Variants in ASPM observed in about 807,000 individuals in gnomAD.
The protein encoded by ASPM is assembly factor for spindle microtubules.
ASPM carries 256 observed loss-of-function variants against 366.4 expected under a neutral mutation model. The observed-to-expected ratio is 0.70, with a 90% CI of 0.63 to 0.77. The LOEUF is 0.77. Among genes scored for constraint, ASPM ranks in the 30% least tolerant of loss-of-function variants. The pLI, the probability that ASPM is intolerant of heterozygous loss-of-function variation, is 0.00. For synonymous variants in ASPM, 1,414 were observed against 1,342.9 expected (o/e 1.05, Z -1.16); for missense variants, 4,146 against 4,090.4 (o/e 1.01, Z -0.37).
Position 197,121,983 on chromosome 1 carries a change from T to C in ASPM, c.3802A>G (p.Arg1268Gly), listed in dbSNP as rs137923618. ...GTTGTTTGTATGAGTCGAGCAGCTC[T>C]TATTTCTTTACGAAGATCCAAAAGC... ...ARLLDLRKEI[R>G]AARLIQTTWR... The change falls in exon 16 of 28, where the codon AGA (arginine) becomes GGA (glycine). Residue 1268 changes from arginine (R) to glycine (G), a missense_variant. By Grantham distance (125) the Arg-to-Gly change is moderately radical (BLOSUM62 -2). This residue lies in a region of ASPM where 3,624 missense variants were observed against 3,591.7 expected (regional missense o/e 1.01). Transcript: ENST00000367409. The C allele has an allele frequency of 7.4e-6, 12 of 1,611,884 alleles. No individual in the cohort carries two copies. The highest frequency in any genetic ancestry group is 9.3e-6 in the Non-Finnish European group (11 of 1,178,268).
chr1:197,135,249 A>C lies in ASPM; in HGVS notation c.2027-7T>G, dbSNP rs1450590964. The C allele has an allele frequency of 6.2e-7, 1 of 1,613,862 alleles. No homozygotes were observed. The highest frequency in any genetic ancestry group is 8.5e-7 in the Non-Finnish European group (1 of 1,179,802). On this transcript the variant is annotated splice_polypyrimidine_tract_variant and splice_region_variant and intron_variant, in intron 4 of 27. Transcript: ENST00000367409. ...ATCGGGTGTCTGGGAATATCTAAGAATACAATTAGGTTACTGCATAACAAA... is the reference window on the plus strand; with the variant it reads ...ATCGGGTGTCTGGGAATATCTAAGACTACAATTAGGTTACTGCATAACAAA...
rs1421547679 is a variant in ASPM, at chr1:197,104,082, T to G, written c.5169A>C (p.Glu1723Asp). The change falls in exon 18 of 28, where the codon GAA (glutamate) becomes GAC (aspartate). Residue 1723 changes from glutamate (E) to aspartate (D), a missense_variant. Physicochemically the swap from Glu to Asp is conservative, Grantham distance 45. Around this residue, in one of 3 missense-constraint regions of ASPM, gnomAD observed 3,624 missense variants for 3,591.7 expected, o/e 1.01. Coordinates refer to ENST00000367409, the MANE Select transcript of ASPM (RefSeq NM_018136.5). ...RSKKIAAQKR[E>D]EYMQMRESCI... ...AAGATTCCCGCATCTGCATATACTC[T>G]TCTCTCTTTTGTGCAGCTATTTTTT... 21 of 1,613,026 alleles carry G rather than the reference T, an allele frequency of 1.3e-5. No individual in the cohort carries two copies. Among genetic ancestry groups the G allele is most frequent in the Non-Finnish European group, 1.8e-5 (21 of 1,179,432 alleles).
intron 4 of ASPM, chr1:197,138,888 T>A: frequency 1.1e-6 from 1 of 934,596 alleles, no homozygotes; most frequent in East Asian, 2.4e-5. Flanking sequence ...CCTTATCTCC[T>A]CCTGTTGAAT....
At chr1:197,090,145 G>A in intron 24 of ASPM, 51 bp downstream of exon 24, 1 of 1,611,682 alleles carries the variant, frequency 6.2e-7, no homozygotes, top group Non-Finnish European at 8.5e-7. Context: ...TGAAGTTTTA[G>A]CTAATAATGT....
chr1:197,092,114 TG>T, intron 21 of ASPM, 58 bp from the exon 22 acceptor site: 1 of 1,553,912 alleles, frequency 6.4e-7, no homozygotes, highest in Non-Finnish European at 8.9e-7. Flanking sequence ...AATCAATGAG[TG>T]TTTTTTTTTG....
Position 197,129,982 on chromosome 1 carries a change from G to A in ASPM, c.2562C>T (p.Arg854=). ...VTGLAMFILN[R]LLWNPDIAAE... ...CTGCTATATCAGGATTCCAAAGTAGGCGATTCAGAATAAACATAGCCAACC... is the reference window on the plus strand; with the variant it reads ...CTGCTATATCAGGATTCCAAAGTAGACGATTCAGAATAAACATAGCCAACC... The change falls in exon 8 of 28, where the codon CGC becomes CGT. Residue 854 remains arginine, a synonymous_variant. Transcript: ENST00000367409. The A allele has an allele frequency of 1.2e-6, 2 of 1,613,928 alleles. No homozygotes were observed. Among genetic ancestry groups the A allele is most frequent in the Non-Finnish European group, 1.7e-6 (2 of 1,179,902 alleles).
chr1:197,122,389 A>G lies in ASPM; in HGVS notation c.3597T>C (p.His1199=), dbSNP rs752363848. ...GAAAAGTAACCAAAAGGGACTAACC[A>G]TGATCAAATGCTTTAAGAGACATAT... ...SLDMSLKAFD[H]ENTSELYKEL... is the part of the protein sequence containing the mutation. The change falls in exon 14 of 28, where the codon CAT becomes CAC. Residue 1199 remains histidine (H), a splice_region_variant and synonymous_variant. Coordinates refer to ENST00000367409, the MANE Select transcript of ASPM (RefSeq NM_018136.5). The G allele has an allele frequency of 3.4e-5, 55 of 1,613,612 alleles. No individual in the cohort carries two copies. The highest frequency in any genetic ancestry group is 4.7e-5 in the Non-Finnish European group (55 of 1,179,696).
In ASPM at chr1:197,100,845, G is replaced by T; in HGVS notation, c.8406C>A (p.Gly2802=). Residue 2802 remains glycine, a synonymous_variant, in exon 18 of 28, where the codon GGC becomes GGA. Transcript: ENST00000367409. ...VMIQEWYKAS[G]LACSQEAEYH... is the part of the protein sequence containing the mutation. ...ACTCTGCTTCCTGTGAACAAGCAAG[G>T]CCAGAAGCTTTATACCACTCTTGAA... 6.2e-7 allele frequency: 1 copy of T among 1,612,524 alleles called. No homozygotes were observed. The highest frequency in any genetic ancestry group is 8.5e-7 in the Non-Finnish European group (1 of 1,179,094).
rs145308167 is a variant in ASPM, at chr1:197,100,606, T to C, written c.8645A>G (p.Tyr2882Cys). Residue 2882 changes from tyrosine to cysteine, a missense_variant, in exon 18 of 28, where the codon TAT (tyrosine) becomes TGT (cysteine). Tyr to Cys is a radical substitution (Grantham distance 194). Transcript: ENST00000367409. ...TWQTRKQFLL[Y>C]RKAAVVLQNH... is the part of the protein sequence containing the mutation. ...TTGTAAAACCACTGCTGCTTTTCTA[T>C]ATAGTAAAAACTGTTTTCTGGTTTG... The C allele has an allele frequency of 1.7e-5, 27 of 1,612,068 alleles. No individual in the cohort carries two copies. The Admixed American group carries it at 4.0e-4, about 24-fold the overall frequency.
In ASPM at chr1:197,143,995, T is replaced by C. The variant is rs1218695206; in HGVS notation, c.403A>G (p.Ile135Val). 33 of 1,609,460 alleles carry C rather than the reference T, an allele frequency of 2.1e-5. No individual in the cohort carries two copies. The highest frequency in any genetic ancestry group is 2.7e-5 in the Non-Finnish European group (32 of 1,176,086). The change falls in exon 2 of 28, where the codon ATA (isoleucine) becomes GTA (valine). Residue 135 changes from isoleucine to valine, a missense_variant. This residue lies in a region of ASPM where 512 missense variants were observed against 471.7 expected (regional missense o/e 1.09). Coordinates refer to ENST00000367409, the MANE Select transcript of ASPM (RefSeq NM_018136.5). The stretch of plus-strand genomic sequence containing the variant: ...TGCTCTTCTGCATTTCCTAGTAATA[T>C]AGCTTGGTGTTTCAGAACATCATTT... Reference protein sequence around the residue: ...LVNDVLKHQAILLGNAEEQKK... With the variant: ...LVNDVLKHQAVLLGNAEEQKK...
At position 197,093,248 on chromosome 1, in the gene ASPM, G is replaced by C. The variant is rs1431800872; in HGVS notation, c.9098C>G (p.Ala3033Gly). Residue 3033 changes from alanine to glycine, a missense_variant, in exon 21 of 28, where the codon GCT (alanine) becomes GGT (glycine). By Grantham distance (60) the Ala-to-Gly change is moderately conservative (BLOSUM62 0). Around this residue, in one of 3 missense-constraint regions of ASPM, gnomAD observed 3,624 missense variants for 3,591.7 expected, o/e 1.01. Transcript: ENST00000367409. ...TCTATAATGTGCTTGGATCAAACAA[G>C]CAGCTCGATGTCTCTATAAGGAAAA... ...HFLMIKRHRA[A>G]CLIQAHYRGY... 1.2e-6 allele frequency: 2 copies of C among 1,611,734 alleles called. No individual in the cohort carries two copies. The highest frequency in any genetic ancestry group is 2.7e-5 in the African/African-American group (2 of 74,784).
chr1:197,114,705 C>T (rs939473973), intron 17 of ASPM, among the ~76,000 whole-genome samples: 3 of 151,724 alleles, frequency 2.0e-5, no homozygotes, highest in Non-Finnish European at 4.4e-5. Context: ...TCCTGAGTAG[C>T]TGGGACTATG....
chr1:197,115,450 CATGA>C (rs1288617618), intron 17 of ASPM, among the ~76,000 whole-genome samples: 7 of 152,206 alleles, frequency 4.6e-5, no homozygotes, highest in Admixed American at 3.3e-4. Flanking sequence ...TCCTACGAAT[CATGA>C]ATGTTTTTGA....
chr1:197,090,727 A>G, intron 23 of ASPM, 123 bp downstream of exon 23: 1 of 879,088 alleles, frequency 1.1e-6, no homozygotes, highest in Non-Finnish European at 1.8e-6. Context: ...AGTGCTTATG[A>G]GTTATTCTAC....
chr1:197,095,136 A>C (rs1406308776), intron 19 of ASPM, among the ~76,000 whole-genome samples: 1 of 151,724 alleles, frequency 6.6e-6, no homozygotes, highest in Non-Finnish European at 1.5e-5. Flanking sequence ...GAAATATACA[A>C]TAAATTATTG....
rs548744621 is a variant in ASPM at position 197,103,328 on chromosome 1, T to C, written c.5923A>G (p.Ile1975Val). 88 of 1,613,198 alleles carry C rather than the reference T, an allele frequency of 5.5e-5. No individual in the cohort carries two copies. In the South Asian group the frequency reaches 7.4e-4, roughly 13 times the overall value. The change falls in exon 18 of 28, where the codon ATC becomes GTC. Residue 1975 changes from isoleucine to valine, a missense_variant. By Grantham distance (29) the Ile-to-Val change is conservative (BLOSUM62 3). Coordinates refer to ENST00000367409, the MANE Select transcript of ASPM (RefSeq NM_018136.5). ...ATTCTATAGTATGACTGTATGATGA[T>C]AGCACATTTATGTTGCCTTTGAAGC... ...RQLQRQHKCA[I>V]IIQSYYRMHV...
rs770849302 is a variant in ASPM at position 197,104,524 on chromosome 1, C to A, written c.4727G>T (p.Arg1576Ile). 4 of 1,612,536 alleles carry A rather than the reference C, an allele frequency of 2.5e-6. No individual in the cohort carries two copies. The South Asian group carries it at 3.3e-5, about 13-fold the overall frequency. The part of the protein sequence containing the change: ...IQSYWRMRQD[R>I]VRFLNLKKTI... ...CTTCTTAAGGTTTAAAAATCGAACTCTGTCTTGTCTCATTCTCCAGTATGA... is the reference window on the plus strand; with the variant it reads ...CTTCTTAAGGTTTAAAAATCGAACTATGTCTTGTCTCATTCTCCAGTATGA... Residue 1576 changes from arginine to isoleucine, a missense_variant, in exon 18 of 28, where the codon AGA (arginine) becomes ATA (isoleucine). This residue lies in a region of ASPM where 3,624 missense variants were observed against 3,591.7 expected (regional missense o/e 1.01). Coordinates refer to ENST00000367409, the MANE Select transcript of ASPM (RefSeq NM_018136.5).
rs918011317 is a variant in ASPM at position 197,135,523 on chromosome 1, A to G, written c.2027-281T>C. Among the ~76,000 whole-genome samples, 4 of 152,234 alleles carry G rather than the reference A, an allele frequency of 2.6e-5. No individual in the cohort carries two copies. The South Asian group carries it at 8.3e-4, about 32-fold the overall frequency. On this transcript the variant is annotated intron_variant, in intron 4 of 27. Transcript: ENST00000367409. ...ATATCTTTTTTATAATTGATGCATA[A>G]TAGATGTACACAATTTTGTGGTACA...
intron 5 of ASPM, 145 bp from the exon 6 acceptor site, chr1:197,133,740 A>T (rs1658336337): frequency 2.2e-6 from 2 of 898,884 alleles, no homozygotes; most frequent in Non-Finnish European, 3.3e-6. Context: ...CCAATCTATC[A>T]TCGCAACCTG....
Sources: gnomAD v4.1 joint callset for allele counts (sites outside exome capture counted in the v4.1 genomes callset) on GRCh38, gnomAD v4.1.1 for gene constraint, gnomAD v4.1.1 regional missense constraint, MANE v1.5 for transcripts, NCBI Gene and HGNC (gene_info 2026-07-23, HGNC 2026-07-21) for gene names.